The following MTPN variants were observed in gnomAD, a reference collection of about 807,000 sequenced individuals.
The protein encoded by MTPN is myotrophin.
In MTPN, 2 loss-of-function variants were observed where a neutral mutation model predicts 13.5. That is an observed-to-expected ratio of 0.15 (90% CI 0.06 to 0.47). MTPN has a LOEUF of 0.47. Among genes scored for constraint, MTPN ranks in the 20% least tolerant of loss-of-function variants. MTPN has a pLI of 0.97. For synonymous variants in MTPN, 46 were observed against 51.7 expected, an observed-to-expected ratio of 0.89 and a Z score of 0.48; for missense variants, 79 against 137.9, an observed-to-expected ratio of 0.57 and a Z score of 2.14.
intron 1 of MTPN, among the ~76,000 whole-genome samples, chr7:135,972,836 G>A (rs1489896614): frequency 6.6e-6 from 1 of 151,346 alleles, no homozygotes; most frequent in East Asian, 2.0e-4. Context: ...GTGTTTTTCT[G>A]TTAGAGGTGA....
intron 1 of MTPN, among the ~76,000 whole-genome samples, chr7:135,972,630 C>A (rs1315784154): frequency 6.6e-6 from 1 of 152,104 alleles, no homozygotes; most frequent in African/African-American, 2.4e-5. Flanking sequence ...ATATTATCTA[C>A]CCTCCAGGAG....
At chr7:135,938,790 C>G (rs185446803) in intron 3 of MTPN, among the ~76,000 whole-genome samples, 1 of 152,294 alleles carries the variant, frequency 6.6e-6, no homozygotes, top group East Asian at 1.9e-4. Flanking sequence ...GAAACCAAGA[C>G]TGAGCCCGGC....
intron 3 of MTPN, among the ~76,000 whole-genome samples, chr7:135,933,281 T>C (rs1799055965): frequency 6.6e-6 from 1 of 152,122 alleles, no homozygotes; most frequent in Non-Finnish European, 1.5e-5. Context: ...ATCTTTCGAC[T>C]TCCTGCTACA....
rs1415961274 is a variant in MTPN at position 135,928,702 on chromosome 7, A to C, written c.*1224T>G. ...AATATTTTCTGCAGGTCATAAGAAC[A>C]CCATTTTAGGGCACTGTATTCCAAG... is the stretch of plus-strand genomic sequence containing the variant. On this transcript the variant is annotated 3_prime_UTR_variant, in exon 4 of 4. Transcript: ENST00000393085. 2 of 167,048 alleles carry C rather than the reference A, an allele frequency of 1.2e-5. No homozygotes were observed. Among genetic ancestry groups the C allele is most frequent in the Non-Finnish European group, 2.9e-5 (2 of 68,118 alleles). The allele number at this position is 167,048 out of a possible 1,614,324, so 10.3% of individuals were successfully genotyped here. A position where few individuals can be genotyped will look rare whatever the true frequency, so the allele number is the denominator to read the frequency against.
At chr7:135,968,488 T>C (rs1470030319) in intron 1 of MTPN, among the ~76,000 whole-genome samples, 2 of 152,212 alleles carry the variant, frequency 1.3e-5, no homozygotes, top group East Asian at 1.9e-4. Context: ...AGTAAAGATA[T>C]AGCTGCAAAA....
chr7:135,953,312 T>C (rs966440133), intron 1 of MTPN, among the ~76,000 whole-genome samples: 1 of 152,248 alleles, frequency 6.6e-6, no homozygotes, highest in African/African-American at 2.4e-5. Context: ...TACAACTTTG[T>C]GTATGCCTTC....
chr7:135,957,332 T>TA lies in MTPN; in HGVS notation c.73-5703dup, dbSNP rs1256204691. Among the ~76,000 whole-genome samples, 15 of 151,998 alleles carry TA rather than the reference T, an allele frequency of 9.9e-5. 1 individual carries two copies. Among genetic ancestry groups the TA allele is most frequent in the African/African-American group, 3.6e-4 (15 of 41,436 alleles). On this transcript the variant is annotated intron_variant, in intron 1 of 3. Coordinates refer to ENST00000393085, the MANE Select transcript of MTPN (RefSeq NM_145808.4). ...AGGATGGGTTGACTTCTGGTGCTTC[T>TA]AAGAGTAAGATGAGGATTTAGATTA...
intron 1 of MTPN, among the ~76,000 whole-genome samples, chr7:135,952,153 G>T (rs1799372691): frequency 6.6e-6 from 1 of 152,194 alleles, no homozygotes; most frequent in Non-Finnish European, 1.5e-5. Flanking sequence ...ACAGTGGTCA[G>T]CAAAATCAGA....
intron 1 of MTPN, among the ~76,000 whole-genome samples, chr7:135,965,412 T>A (rs997291358): frequency 6.6e-6 from 1 of 152,054 alleles, no homozygotes; most frequent in Admixed American, 6.6e-5. Context: ...ATATCTCTTA[T>A]AGAGAACTTC....
chr7:135,974,860 A>G (rs1490906404), intron 1 of MTPN, among the ~76,000 whole-genome samples: 2 of 152,258 alleles, frequency 1.3e-5, no homozygotes, highest in Admixed American at 1.3e-4. Context: ...ACCTGAAAGT[A>G]TAAATGGGCA....
intron 3 of MTPN, among the ~76,000 whole-genome samples, chr7:135,934,953 C>G (rs1799091979): frequency 6.6e-6 from 1 of 152,154 alleles, no homozygotes; most frequent in Non-Finnish European, 1.5e-5. Context: ...TGTCCTCATT[C>G]TGAGGACTGG....
chr7:135,927,996 A>G lies in MTPN; in HGVS notation c.*1930T>C. On this transcript the variant is annotated 3_prime_UTR_variant, in exon 4 of 4. Coordinates refer to ENST00000393085, the MANE Select transcript of MTPN (RefSeq NM_145808.4). Reference sequence around the variant, plus strand: ...AAATAGCATTATGTCAAGAGGTGAAAACAAAGGTATCAAAACACCCTGTTG... The same window carrying G: ...AAATAGCATTATGTCAAGAGGTGAAGACAAAGGTATCAAAACACCCTGTTG... 3.7e-6 allele frequency: 1 copy of G among 272,426 alleles called. No individual in the cohort carries two copies. Among genetic ancestry groups the G allele is most frequent in the South Asian group, 4.2e-5 (1 of 24,012 alleles). 16.9% of individuals were successfully genotyped at this position (272,426 alleles called of 1,614,324 possible).
intron 1 of MTPN, among the ~76,000 whole-genome samples, chr7:135,963,599 C>G (rs980269178): frequency 2.0e-5 from 3 of 152,038 alleles, no homozygotes; most frequent in Non-Finnish European, 4.4e-5. Flanking sequence ...TCAACCTGCT[C>G]TTACTTGACA....
chr7:135,973,503 A>T (rs933323284), intron 1 of MTPN, among the ~76,000 whole-genome samples: 5 of 152,008 alleles, frequency 3.3e-5, no homozygotes, highest in Non-Finnish European at 7.4e-5. Flanking sequence ...AAACAGCTCA[A>T]TTTGGAATTT....
intron 3 of MTPN, among the ~76,000 whole-genome samples, chr7:135,935,374 G>A (rs1358734775): frequency 6.6e-6 from 1 of 152,036 alleles, no homozygotes; most frequent in African/African-American, 2.4e-5. Flanking sequence ...GAGTAGCTGG[G>A]ATTACAGGTG....
chr7:135,940,198 A>G (rs1308465212), intron 3 of MTPN, among the ~76,000 whole-genome samples: 1 of 152,212 alleles, frequency 6.6e-6, no homozygotes, highest in Admixed American at 6.5e-5. Context: ...CTGTTTAAAT[A>G]TATACTTAAA....
At chr7:135,934,866 G>A (rs1014431259) in intron 3 of MTPN, among the ~76,000 whole-genome samples, 17 of 152,034 alleles carry the variant, frequency 1.1e-4, no homozygotes, top group African/African-American at 4.1e-4. Context: ...CCTTTATACA[G>A]GATTCAGGTC....
intron 1 of MTPN, among the ~76,000 whole-genome samples, chr7:135,964,095 CA>C (rs1301901620): frequency 6.6e-6 from 1 of 151,906 alleles, no homozygotes; most frequent in Non-Finnish European, 1.5e-5. Flanking sequence ...AAAAGACTAA[CA>C]ATCAAAAAGT....
intron 1 of MTPN, among the ~76,000 whole-genome samples, chr7:135,956,029 G>A (rs1422608699): frequency 1.3e-5 from 2 of 152,170 alleles, no homozygotes; most frequent in Non-Finnish European, 2.9e-5. Flanking sequence ...TGTTGCACTA[G>A]CGGTTCTAAT....
Sources: gnomAD v4.1 joint callset for allele counts (sites outside exome capture counted in the v4.1 genomes callset) on GRCh38, gnomAD v4.1.1 for gene constraint, MANE v1.5 for transcripts, NCBI Gene and HGNC (gene_info 2026-07-23, HGNC 2026-07-21) for gene names.